The following UBE4B variants were observed in gnomAD, a reference collection of about 807,000 sequenced individuals.
The protein encoded by UBE4B is ubiquitination factor E4B.
UBE4B carries 27 observed loss-of-function variants against 148.1 expected under a neutral mutation model. That is an observed-to-expected ratio of 0.18 (90% CI 0.13 to 0.25). The LOEUF is 0.25. UBE4B is among the 10% of genes least tolerant of loss of function. The probability of loss-of-function intolerance (pLI) is 1.00; values close to 1 mark genes in which losing one functional copy is unlikely to be tolerated. For synonymous variants in UBE4B, 596 were observed against 619.3 expected (o/e 0.96, Z 0.56); for missense variants, 1,170 against 1,662.4 (o/e 0.70, Z 5.15).
At chr1:10,082,632 CTT>C (rs5772395) in intron 2 of UBE4B, among the ~76,000 whole-genome samples, 10 of 105,906 alleles carry the variant, frequency 9.4e-5, no homozygotes, top group Admixed American at 2.0e-4. Context: ...AAGAAGGCGA[CTT>C]TTTTTTTTTT....
intron 10 of UBE4B, among the ~76,000 whole-genome samples, chr1:10,125,331 G>C (rs1472607092): frequency 2.0e-5 from 3 of 152,142 alleles, no homozygotes; most frequent in African/African-American, 7.2e-5. Context: ...TCATTACAAT[G>C]TTGGCATTCC....
In UBE4B at chr1:10,168,380, T is replaced by C; in HGVS notation, c.3333+110T>C. The C allele has an allele frequency of 3.4e-6, 5 of 1,451,450 alleles. No homozygotes were observed. The highest frequency in any genetic ancestry group is 4.6e-6 in the Non-Finnish European group (5 of 1,085,910). 89.9% of individuals were successfully genotyped at this position (1,451,450 alleles called of 1,614,324 possible). A position where few individuals can be genotyped will look rare whatever the true frequency, so the allele number is the denominator to read the frequency against. On this transcript the variant is annotated intron_variant, in intron 24 of 27. Transcript: ENST00000343090. This position sits in a 1 kb window ranked among gnomAD's most constrained non-coding sequence, Gnocchi z 4.9. ...TCTGGAAATTTTAGGATCACAGTCATCAATAAGTGAAATTCTGTGACTGAT... is the reference window on the plus strand; with the variant it reads ...TCTGGAAATTTTAGGATCACAGTCACCAATAAGTGAAATTCTGTGACTGAT...
intron 1 of UBE4B, among the ~76,000 whole-genome samples, chr1:10,041,684 C>T (rs1643775747): frequency 6.6e-6 from 1 of 151,844 alleles, no homozygotes; most frequent in Non-Finnish European, 1.5e-5. Context: ...GTGGAAGCCC[C>T]AGTGGACTTT....
intron 1 of UBE4B, among the ~76,000 whole-genome samples, chr1:10,070,210 G>T (rs1644460977): frequency 6.6e-6 from 1 of 151,550 alleles, no homozygotes; most frequent in African/African-American, 2.4e-5. Context: ...GGAGGGGGAG[G>T]TTGCAGTGAG....
chr1:10,066,163 T>C (rs975046767), intron 1 of UBE4B, among the ~76,000 whole-genome samples: 8 of 151,104 alleles, frequency 5.3e-5, no homozygotes, highest in Non-Finnish European at 1.0e-4. Flanking sequence ...AGAGGCAGGG[T>C]CTCACTCTGA....
chr1:10,132,584 G>A, intron 15 of UBE4B, 102 bp downstream of exon 15: 1 of 942,242 alleles, frequency 1.1e-6, no homozygotes, highest in Non-Finnish European at 1.6e-6. Context: ...TGGGGGTACA[G>A]TATTGAACAA....
At chr1:10,063,382 CCTT>C (rs1489155182) in intron 1 of UBE4B, among the ~76,000 whole-genome samples, 1 of 152,170 alleles carries the variant, frequency 6.6e-6, no homozygotes, top group Non-Finnish European at 1.5e-5. Context: ...CTTAAAATCT[CCTT>C]CTGTATTTTC....
chr1:10,066,978 C>A (rs1644398068), intron 1 of UBE4B, among the ~76,000 whole-genome samples: 1 of 152,036 alleles, frequency 6.6e-6, no homozygotes, highest in South Asian at 2.1e-4. Flanking sequence ...GAAAGTATTT[C>A]CAATTATTTT....
Position 10,168,370 on chromosome 1 carries a change from A to T in UBE4B, c.3333+100A>T. 1 of 1,471,228 alleles carries T rather than the reference A, an allele frequency of 6.8e-7. No individual in the cohort carries two copies. The highest frequency in any genetic ancestry group is 9.1e-7 in the Non-Finnish European group (1 of 1,100,272). 91.1% of individuals were successfully genotyped at this position (1,471,228 alleles called of 1,614,324 possible). A position where few individuals can be genotyped will look rare whatever the true frequency, so the allele number is the denominator to read the frequency against. On this transcript the variant is annotated intron_variant, in intron 24 of 27. Transcript: ENST00000343090. The surrounding 1 kb of genome is among the most constrained non-coding windows in gnomAD (Gnocchi z 4.9). ...TTGTTGAAGTTCTGGAAATTTTAGG[A>T]TCACAGTCATCAATAAGTGAAATTC...
intron 7 of UBE4B, among the ~76,000 whole-genome samples, chr1:10,107,048 T>C (rs1645124335): frequency 6.6e-6 from 1 of 152,142 alleles, no homozygotes; most frequent in Non-Finnish European, 1.5e-5. Flanking sequence ...AGTGGCCCCT[T>C]CTCTCAAATG....
chr1:10,040,607 C>A (rs1194959081), intron 1 of UBE4B, among the ~76,000 whole-genome samples: 17 of 150,828 alleles, frequency 1.1e-4, no homozygotes, highest in Admixed American at 1.1e-3. Flanking sequence ...ATCTCCATTT[C>A]TTTCTTCTTT....
chr1:10,135,208 C>T (rs565990882), intron 16 of UBE4B, 22 bp downstream of exon 16: 21 of 1,601,978 alleles, frequency 1.3e-5, no homozygotes, highest in South Asian at 6.7e-5. Context: ...GTTCGTGACT[C>T]GGTCATTAAA....
At chr1:10,097,760 A>G (rs7546283) in intron 3 of UBE4B, among the ~76,000 whole-genome samples, 4,011 of 152,144 alleles carry the variant, frequency 0.026, 74 homozygotes, top group South Asian at 0.065. Context: ...CTGTGACCTG[A>G]GATCGCACCG....
intron 6 of UBE4B, 57 bp downstream of exon 6, chr1:10,105,801 A>AGGAGAAGGGAATGTTTGTT: frequency 6.6e-7 from 1 of 1,516,626 alleles, no homozygotes; most frequent in Non-Finnish European, 9.0e-7. Context: ...TGAACTACGT[A>AGGAGAAGGGAATGTTTGTT]GGAGAAGGGA....
chr1:10,150,761 G>A (rs190027098), intron 20 of UBE4B, among the ~76,000 whole-genome samples: 15 of 151,838 alleles, frequency 9.9e-5, no homozygotes, highest in Non-Finnish European at 2.1e-4. Flanking sequence ...TCAGGAGGCT[G>A]AGGCAGGAGA....
chr1:10,167,678 A>T (rs1341938884), intron 23 of UBE4B, among the ~76,000 whole-genome samples: 1 of 142,500 alleles, frequency 7.0e-6, no homozygotes, highest in East Asian at 2.1e-4. Context: ...CTGCAGCCTC[A>T]GCCTTCTGGG....
chr1:10,167,474 T>TAATAATAATGAC (rs535397393), intron 23 of UBE4B, among the ~76,000 whole-genome samples: 14 of 149,680 alleles, frequency 9.4e-5, no homozygotes, highest in African/African-American at 2.2e-4. Flanking sequence ...ATAATAATAA[T>TAATAATAATGAC]GACTAAGTAA....
At chr1:10,109,501 C>G (rs1645181203) in intron 7 of UBE4B, among the ~76,000 whole-genome samples, 1 of 152,084 alleles carries the variant, frequency 6.6e-6, no homozygotes, top group Non-Finnish European at 1.5e-5. Flanking sequence ...CTGTGATCAT[C>G]CAGATTTTGG....
chr1:10,090,383 A>G (rs903861532), intron 2 of UBE4B, among the ~76,000 whole-genome samples: 1 of 152,020 alleles, frequency 6.6e-6, no homozygotes, highest in Non-Finnish European at 1.5e-5. Flanking sequence ...GGCCTCCAAA[A>G]GTTCTGGAAT....
Sources: gnomAD v4.1 joint callset for allele counts (sites outside exome capture counted in the v4.1 genomes callset) on GRCh38, gnomAD v4.1.1 for gene constraint, Gnocchi (gnomAD v3.1) non-coding constraint, MANE v1.5 for transcripts, NCBI Gene and HGNC (gene_info 2026-07-23, HGNC 2026-07-21) for gene names.